The following HS2ST1 variants were observed in gnomAD, a reference collection of about 807,000 sequenced individuals.
HS2ST1 encodes heparan sulfate 2-O-sulfotransferase 1.
Under a neutral mutation model 42.9 loss-of-function variants are expected in HS2ST1, and 18 were observed. The ratio of observed to expected loss-of-function variants is 0.42; its 90% CI spans 0.29 to 0.62. HS2ST1 has a LOEUF of 0.62. HS2ST1 is among the 20% of genes least tolerant of loss of function. The pLI, the probability that HS2ST1 is intolerant of heterozygous loss-of-function variation, is 0.21. For missense variants in HS2ST1, 334 were observed against 433.8 expected, an observed-to-expected ratio of 0.77 and a Z score of 2.04; for synonymous variants, 146 against 152.9, an observed-to-expected ratio of 0.95 and a Z score of 0.33.
At chr1:87,083,999 TATA>T (rs1296334045) in intron 2 of HS2ST1, among the ~76,000 whole-genome samples, 192 bp from the exon 3 acceptor site, 2 of 152,204 alleles carry the variant, frequency 1.3e-5, no homozygotes, top group African/African-American at 4.8e-5. Context: ...CTTTTGTGAG[TATA>T]ATGATAGTAG....
intron 1 of HS2ST1, among the ~76,000 whole-genome samples, chr1:87,010,878 C>T (rs531737192): frequency 1.4e-4 from 21 of 151,346 alleles, no homozygotes; most frequent in African/African-American, 4.1e-4. Flanking sequence ...TTCCACTTCC[C>T]GGGTTCAAGC....
chr1:87,063,042 C>G (rs531040623), intron 1 of HS2ST1, among the ~76,000 whole-genome samples: 1 of 152,200 alleles, frequency 6.6e-6, no homozygotes, highest in East Asian at 1.9e-4. Flanking sequence ...ATGTTTATGT[C>G]TCTTTTTAAG....
intron 1 of HS2ST1, among the ~76,000 whole-genome samples, chr1:87,049,047 A>T (rs1159765682): frequency 6.6e-6 from 1 of 151,932 alleles, no homozygotes; most frequent in Non-Finnish European, 1.5e-5. Context: ...CCTTTTGTTT[A>T]TCTGTGAGAA....
rs1447433330 is a variant in HS2ST1, at chr1:86,975,278, TC to T, written c.124+60119del. ...TCAGTGTTTTAAAATTATAGCTTTT[TC>T]TTTTTTTTTTTTTAAGCTTTTCCTA... On this transcript the variant is annotated intron_variant, in intron 1 of 6. Coordinates refer to ENST00000370550, the MANE Select transcript of HS2ST1 (RefSeq NM_012262.4). 1.1e-4 allele frequency among the ~76,000 whole-genome samples: 16 copies of T among 151,300 alleles called. No homozygotes were observed. The East Asian group carries it at 2.9e-3, about 27-fold the overall frequency.
At chr1:86,929,485 A>G (rs1001174945) in intron 1 of HS2ST1, among the ~76,000 whole-genome samples, 1 of 151,848 alleles carries the variant, frequency 6.6e-6, no homozygotes, top group East Asian at 1.9e-4. Context: ...ATTTGTTTTC[A>G]TATAAATTCT....
intron 1 of HS2ST1, among the ~76,000 whole-genome samples, chr1:86,948,820 C>T (rs1647417237): frequency 2.0e-5 from 3 of 151,960 alleles, no homozygotes; most frequent in Admixed American, 2.0e-4. Context: ...TTAAGTGGCC[C>T]TTGTTTTTCT....
At chr1:87,021,840 T>C (rs1460916230) in intron 1 of HS2ST1, among the ~76,000 whole-genome samples, 1 of 152,206 alleles carries the variant, frequency 6.6e-6, no homozygotes, top group African/African-American at 2.4e-5. Flanking sequence ...ATACCACCGA[T>C]GATACTTCAG....
At chr1:86,930,520 T>C (rs1660521480) in intron 1 of HS2ST1, among the ~76,000 whole-genome samples, 1 of 151,928 alleles carries the variant, frequency 6.6e-6, no homozygotes, top group South Asian at 2.1e-4. Context: ...TCCAAAAACT[T>C]AAGCATACGT....
intron 1 of HS2ST1, among the ~76,000 whole-genome samples, chr1:87,071,959 T>A (rs1651424009): frequency 6.6e-6 from 1 of 152,116 alleles, no homozygotes; most frequent in Non-Finnish European, 1.5e-5. Flanking sequence ...CTCATTTCCT[T>A]CTTTCCTCTC....
chr1:87,064,956 C>T (rs1125279), intron 1 of HS2ST1, among the ~76,000 whole-genome samples: 109,696 of 152,110 alleles, frequency 0.72, 41,638 homozygotes, highest in East Asian at 0.97. Context: ...CATGAGCTAC[C>T]GCACCTGGCC....
chr1:87,019,003 G>T (rs1291201052), intron 1 of HS2ST1, among the ~76,000 whole-genome samples: 1 of 152,166 alleles, frequency 6.6e-6, no homozygotes, highest in African/African-American at 2.4e-5. Flanking sequence ...GCATTCTTGA[G>T]CACATGTGTC....
intron 2 of HS2ST1, 50 bp from the exon 3 acceptor site, chr1:87,084,144 A>G (rs576625681): frequency 2.5e-6 from 3 of 1,199,138 alleles, no homozygotes; most frequent in South Asian, 3.1e-5. Flanking sequence ...GCTATCATCA[A>G]ATTTCATTTT....
At chr1:87,064,431 A>G (rs1651196260) in intron 1 of HS2ST1, 4 of 516,250 alleles carry the variant, frequency 7.7e-6, no homozygotes, top group Admixed American at 2.0e-5. Flanking sequence ...ATAGTGAAAC[A>G]TAAGTCTACT....
At chr1:87,015,580 G>A (rs79715226) in intron 1 of HS2ST1, among the ~76,000 whole-genome samples, 7 of 145,948 alleles carry the variant, frequency 4.8e-5, no homozygotes, top group East Asian at 2.1e-4. Flanking sequence ...TCCTGACCTC[G>A]TGATCTGCCC....
chr1:87,070,954 A>G (rs1156630433), intron 1 of HS2ST1, among the ~76,000 whole-genome samples: 4 of 152,126 alleles, frequency 2.6e-5, no homozygotes, highest in East Asian at 3.9e-4. Flanking sequence ...TATAAACCCA[A>G]TTATCTTATA....
intron 1 of HS2ST1, among the ~76,000 whole-genome samples, chr1:86,990,325 G>A (rs1354586354): frequency 6.6e-6 from 1 of 152,098 alleles, no homozygotes; most frequent in Non-Finnish European, 1.5e-5. Flanking sequence ...TGCTTCTGGG[G>A]CCTAAACGTT....
intron 1 of HS2ST1, among the ~76,000 whole-genome samples, chr1:86,979,008 C>T (rs920512567): frequency 2.6e-5 from 4 of 151,570 alleles, no homozygotes; most frequent in Admixed American, 6.6e-5. Context: ...ATTACAGGCA[C>T]GCGCCACCAC....
chr1:86,998,436 T>G (rs1047861031), intron 1 of HS2ST1, among the ~76,000 whole-genome samples: 10 of 152,224 alleles, frequency 6.6e-5, no homozygotes, highest in Non-Finnish European at 2.9e-5. Context: ...CTAGAAAGTT[T>G]CCAGGCAGTA....
chr1:87,084,978 C>G (rs903205165), intron 3 of HS2ST1, among the ~76,000 whole-genome samples: 2 of 152,082 alleles, frequency 1.3e-5, no homozygotes, highest in Admixed American at 1.3e-4. Context: ...AAGAAGGGTT[C>G]AGAAAACTAT....
Sources: gnomAD v4.1 joint callset for allele counts (sites outside exome capture counted in the v4.1 genomes callset) on GRCh38, gnomAD v4.1.1 for gene constraint, MANE v1.5 for transcripts, NCBI Gene and HGNC (gene_info 2026-07-23, HGNC 2026-07-21) for gene names.